WARS1: variants seen among roughly 807,000 people sequenced by gnomAD.
WARS1 encodes the protein tryptophanyl-tRNA synthetase 1.
Under a neutral mutation model 47.8 loss-of-function variants are expected in WARS1, and 17 were observed. The ratio of observed to expected loss-of-function variants is 0.36; its 90% CI spans 0.24 to 0.53. WARS1 has a LOEUF of 0.53. Among genes scored for constraint, WARS1 ranks in the 20% least tolerant of loss-of-function variants. The pLI is 0.91. For missense variants in WARS1, 434 were observed against 608.0 expected (o/e 0.71, Z 3.01); for synonymous variants, 208 against 228.1 (o/e 0.91, Z 0.79).
intron 9 of WARS1, among the ~76,000 whole-genome samples, chr14:100,339,446 T>C (rs1046777223): frequency 3.0e-4 from 46 of 151,914 alleles, no homozygotes; most frequent in Middle Eastern, 3.4e-3. Context: ...AAAAATTAGC[T>C]GGGTGTGGTG....
At chr14:100,364,269 C>A (rs924283401) in intron 2 of WARS1, among the ~76,000 whole-genome samples, 2 of 152,234 alleles carry the variant, frequency 1.3e-5, no homozygotes, top group African/African-American at 4.8e-5. Context: ...TTTAGTCCTG[C>A]TCAAACTATT....
At chr14:100,335,106 C>T (rs2234531) in intron 10 of WARS1, 70 bp from the exon 11 acceptor site, 16,636 of 1,528,030 alleles carry the variant, frequency 0.011, 115 homozygotes, top group Non-Finnish European at 0.014. Flanking sequence ...CTGCCTCGGG[C>T]ACCAGCTCAG....
chr14:100,365,577 CTCA>C (rs1238368380), intron 2 of WARS1: 27 of 111,382 alleles, frequency 2.4e-4, no homozygotes, highest in Admixed American at 1.6e-3. Flanking sequence ...GAGACTCAGC[CTCA>C]AAAAAAAAAA....
At chr14:100,344,702 C>T (rs1459521963) in intron 7 of WARS1, among the ~76,000 whole-genome samples, 5 of 151,274 alleles carry the variant, frequency 3.3e-5, no homozygotes, top group Non-Finnish European at 7.4e-5. Flanking sequence ...GGCCGCCCAT[C>T]GTCTGAGATG....
chr14:100,371,190 A>G (rs1462491559), intron 1 of WARS1, among the ~76,000 whole-genome samples: 1 of 152,116 alleles, frequency 6.6e-6, no homozygotes, highest in Non-Finnish European at 1.5e-5. Flanking sequence ...GCTCACGCCT[A>G]TAATCCCAGC....
In WARS1 at chr14:100,361,926, G is replaced by C. The variant is rs756924454; in HGVS notation, c.100-5C>G. ...TACTGCAGAATCAATTTCATCCTGAGAGAGGAAATAAAAGGGATGGCTAAA... is the reference window on the plus strand; with the variant it reads ...TACTGCAGAATCAATTTCATCCTGACAGAGGAAATAAAAGGGATGGCTAAA... On this transcript the variant is annotated splice_polypyrimidine_tract_variant and splice_region_variant and intron_variant, in intron 2 of 10. Coordinates refer to ENST00000392882, the MANE Select transcript of WARS1 (RefSeq NM_004184.4). 1 of 1,613,702 alleles carries C rather than the reference G, an allele frequency of 6.2e-7. No individual in the cohort carries two copies. Among genetic ancestry groups the C allele is most frequent in the East Asian group, 2.2e-5 (1 of 44,890 alleles).
At chr14:100,345,034 TCCGGGAGGGAGGTGGCGGGGTC>T in intron 7 of WARS1, among the ~76,000 whole-genome samples, 1 of 141,282 alleles carries the variant, frequency 7.1e-6, no homozygotes. Context: ...AGCCGCCCCG[TCCGGGAGGGAGGTGGCGGGGTC>T]AGCCCCCCGC....
chr14:100,360,091 A>G (rs1895565939), intron 4 of WARS1, among the ~76,000 whole-genome samples: 2 of 152,186 alleles, frequency 1.3e-5, no homozygotes, highest in South Asian at 2.1e-4. Flanking sequence ...TTTACGGCCT[A>G]AGGTACAGAT....
At chr14:100,335,934 T>C (rs1227208481) in intron 10 of WARS1, among the ~76,000 whole-genome samples, 1 of 152,124 alleles carries the variant, frequency 6.6e-6, no homozygotes, top group Non-Finnish European at 1.5e-5. Flanking sequence ...TTTTTCACTA[T>C]CATAGGCATA....
intron 4 of WARS1, among the ~76,000 whole-genome samples, chr14:100,357,742 T>C (rs1363293611): frequency 6.6e-6 from 1 of 152,190 alleles, no homozygotes; most frequent in Non-Finnish European, 1.5e-5. Context: ...ATTACAGGTG[T>C]AAGCCACCGT....
At chr14:100,356,058 T>C (rs1175747475) in intron 4 of WARS1, among the ~76,000 whole-genome samples, 1 of 152,110 alleles carries the variant, frequency 6.6e-6, no homozygotes, top group African/African-American at 2.4e-5. Flanking sequence ...GATCATGTTT[T>C]ATGAGGATGG....
At position 100,366,925 on chromosome 14, in the gene WARS1, A is replaced by G. The variant is rs955957805; in HGVS notation, c.99+2162T>C. ...ATAAAGATAAGAAGCATCACTGAAG[A>G]TAATACCTGGAAGTATCATAGTGGT... On this transcript the variant is annotated intron_variant, in intron 2 of 10. Coordinates refer to ENST00000392882, the MANE Select transcript of WARS1 (RefSeq NM_004184.4). 3.7e-6 allele frequency: 6 copies of G among 1,602,600 alleles called. No individual in the cohort carries two copies. The African/African-American group carries it at 8.0e-5, about 21-fold the overall frequency.
At chr14:100,374,536 A>G (rs1309244108) in intron 1 of WARS1, among the ~76,000 whole-genome samples, 1 of 152,248 alleles carries the variant, frequency 6.6e-6, no homozygotes, top group Non-Finnish European at 1.5e-5. Flanking sequence ...TGAGGAGTGG[A>G]AAGGACTATA....
chr14:100,372,646 G>C (rs1024131297), intron 1 of WARS1, among the ~76,000 whole-genome samples: 5 of 152,134 alleles, frequency 3.3e-5, no homozygotes, highest in African/African-American at 1.2e-4. Flanking sequence ...ATCAAATAAC[G>C]ATCAAACTCA....
chr14:100,362,288 C>A (rs61990729), intron 2 of WARS1, among the ~76,000 whole-genome samples: 1 of 152,122 alleles, frequency 6.6e-6, no homozygotes, highest in Non-Finnish European at 1.5e-5. Flanking sequence ...TGCCAGAGAA[C>A]GTGTGTGACA....
Position 100,343,745 on chromosome 14 carries a change from C to G in WARS1, c.827-358G>C, listed in dbSNP as rs144999751. ...TCTGCCTCCTGGGGTTCAAGTGATTCTCCTGCCTCAGGCTCCCGAGTAGCT... is the reference window on the plus strand; with the variant it reads ...TCTGCCTCCTGGGGTTCAAGTGATTGTCCTGCCTCAGGCTCCCGAGTAGCT... On this transcript the variant is annotated intron_variant, in intron 7 of 10. Coordinates refer to ENST00000392882, the MANE Select transcript of WARS1 (RefSeq NM_004184.4). Among the ~76,000 whole-genome samples, 271 of 152,114 alleles carry G rather than the reference C, an allele frequency of 1.8e-3. 2 individuals carry two copies. The highest frequency in any genetic ancestry group is 9.3e-3 in the South Asian group (45 of 4,826).
intron 7 of WARS1, among the ~76,000 whole-genome samples, chr14:100,345,941 T>C (rs1894587317): frequency 2.0e-5 from 3 of 152,206 alleles, no homozygotes; most frequent in African/African-American, 7.2e-5. Flanking sequence ...CACACGCCGC[T>C]GTGGCTCTGG....
intron 1 of WARS1, among the ~76,000 whole-genome samples, chr14:100,369,878 G>A (rs1241468448): frequency 6.6e-6 from 1 of 152,002 alleles, no homozygotes; most frequent in African/African-American, 2.4e-5. Flanking sequence ...TGGCCAGGCT[G>A]GTCTTGAACT....
At chr14:100,376,284 C>T (rs1033616618), upstream of WARS1, 2 of 896,722 alleles carry the variant, frequency 2.2e-6, no homozygotes, top group South Asian at 5.9e-5. Context: ...CCAGTCAGCG[C>T]TCCCGGCTCA....
Sources: gnomAD v4.1 joint callset for allele counts (sites outside exome capture counted in the v4.1 genomes callset) on GRCh38, gnomAD v4.1.1 for gene constraint, MANE v1.5 for transcripts, NCBI Gene and HGNC (gene_info 2026-07-23, HGNC 2026-07-21) for gene names.